SLC25A13: variants seen among roughly 807,000 people sequenced by gnomAD.
SLC25A13 encodes solute carrier family 25 member 13.
In SLC25A13, 70 loss-of-function variants were observed where a neutral mutation model predicts 85.5. That is an observed-to-expected ratio of 0.82 (90% CI 0.68 to 1.00). The LOEUF is 1.00. SLC25A13 is among the 50% of genes least tolerant of loss of function. The pLI is 0.00. For missense variants in SLC25A13, 765 were observed against 819.8 expected (o/e 0.93, Z 0.82); for synonymous variants, 259 against 288.7 (o/e 0.90, Z 1.04).
chr7:96,313,485 A>G (rs886121386), intron 1 of SLC25A13, among the ~76,000 whole-genome samples: 3 of 152,254 alleles, frequency 2.0e-5, no homozygotes. Context: ...GCTGGAGGCT[A>G]TGATCCTAAG....
chr7:96,294,885 C>T lies in SLC25A13; in HGVS notation c.69+2013G>A, dbSNP rs113127437. Among the ~76,000 whole-genome samples, 553 of 152,070 alleles carry T rather than the reference C, an allele frequency of 3.6e-3. 1 individual carries two copies. The highest frequency in any genetic ancestry group is 5.9e-3 in the Non-Finnish European group (403 of 67,950). ...CAAATGTGTCCTTTTTTTTCCTCCC[C>T]ACAAAACTATCCCTGCTTTTAATTC... On this transcript the variant is annotated intron_variant, in intron 2 of 17. Coordinates refer to ENST00000265631, the MANE Select transcript of SLC25A13 (RefSeq NM_014251.3).
At position 96,122,966 on chromosome 7, in the gene SLC25A13, T is replaced by A. The variant is rs184289630; in HGVS notation, c.1592-969A>T. 4.2e-4 allele frequency among the ~76,000 whole-genome samples: 64 copies of A among 152,344 alleles called. No homozygotes were observed. The East Asian group carries it at 0.012, about 29-fold the overall frequency. ...CTTAATAATTCTGTAAGAATTTCTG[T>A]CCAAACCAACATGGTCTGGCTCACA... On this transcript the variant is annotated intron_variant, in intron 15 of 17. Transcript: ENST00000265631.
At chr7:96,277,472 GACCATT>G (rs1798504141) in intron 2 of SLC25A13, 134 bp from the exon 3 acceptor site, 1 of 813,232 alleles carries the variant, frequency 1.2e-6, no homozygotes, top group Non-Finnish European at 1.9e-6. Context: ...GCTTCATAAT[GACCATT>G]ATCTCCCAAC....
Position 96,322,053 on chromosome 7 carries a change from G to T in SLC25A13, c.-97C>A. The T allele has an allele frequency of 1.3e-6, 2 of 1,481,508 alleles. No individual in the cohort carries two copies. Among genetic ancestry groups the T allele is most frequent in the Non-Finnish European group, 9.1e-7 (1 of 1,102,794 alleles). 91.8% of individuals were successfully genotyped at this position (1,481,508 alleles called of 1,614,324 possible). A position where few individuals can be genotyped will look rare whatever the true frequency, so the allele number is the denominator to read the frequency against. On this transcript the variant is annotated 5_prime_UTR_variant, in exon 1 of 18. Coordinates refer to ENST00000265631, the MANE Select transcript of SLC25A13 (RefSeq NM_014251.3). ...ACTTCTAGTCCCGGCGGCGGCGGCG[G>T]TGGGGGCGGCGATACGGCCAGGCAG...
At chr7:96,314,163 GGAA>G (rs771193222) in intron 1 of SLC25A13, among the ~76,000 whole-genome samples, 16 of 151,928 alleles carry the variant, frequency 1.1e-4, no homozygotes, top group South Asian at 4.1e-4. Flanking sequence ...CGAAGAAGAA[GGAA>G]GAAGAAGAAG....
chr7:96,297,083 C>G, intron 1 of SLC25A13, 132 bp from the exon 2 acceptor site: 1 of 806,770 alleles, frequency 1.2e-6, no homozygotes, highest in Non-Finnish European at 2.1e-6. Context: ...CATGTTGCCC[C>G]AGTGCATAAA....
chr7:96,131,614 A>G lies in SLC25A13; in HGVS notation c.1591+129T>C, dbSNP rs778191746. 6.4e-5 allele frequency: 77 copies of G among 1,208,300 alleles called. No individual in the cohort carries two copies. In the African/African-American group the frequency reaches 1.0e-3, roughly 16 times the overall value. The allele number at this position is 1,208,300 out of a possible 1,614,324, so 74.8% of individuals were successfully genotyped here. ...TCCCTTTTTTTTCAGTAGCTCTTCA[A>G]TCTCTAGCAAACTCACACATACCCT... On this transcript the variant is annotated intron_variant, in intron 15 of 17. Coordinates refer to ENST00000265631, the MANE Select transcript of SLC25A13 (RefSeq NM_014251.3).
intron 11 of SLC25A13, among the ~76,000 whole-genome samples, chr7:96,182,721 C>A (rs992724800): frequency 4.6e-5 from 7 of 152,072 alleles, no homozygotes; most frequent in African/African-American, 1.7e-4. Flanking sequence ...ATCAGACCTG[C>A]CAGGTATGGT....
At chr7:96,275,083 T>C (rs1044451284) in intron 3 of SLC25A13, among the ~76,000 whole-genome samples, 2 of 152,224 alleles carry the variant, frequency 1.3e-5, no homozygotes, top group African/African-American at 4.8e-5. Flanking sequence ...GCATTGAATC[T>C]ATATATTACC....
At chr7:96,177,755 A>T (rs1794279833) in intron 11 of SLC25A13, among the ~76,000 whole-genome samples, 1 of 152,122 alleles carries the variant, frequency 6.6e-6, no homozygotes, top group South Asian at 2.1e-4. Context: ...CTTCATGGAA[A>T]CTGGAATCCA....
At chr7:96,265,820 T>C (rs745903181) in intron 3 of SLC25A13, among the ~76,000 whole-genome samples, 1 of 152,050 alleles carries the variant, frequency 6.6e-6, no homozygotes, top group Non-Finnish European at 1.5e-5. Flanking sequence ...GTTCTAGGAG[T>C]TGGGAAGTCC....
chr7:96,290,838 T>G (rs1232459752), intron 2 of SLC25A13, among the ~76,000 whole-genome samples: 1 of 152,164 alleles, frequency 6.6e-6, no homozygotes, highest in Non-Finnish European at 1.5e-5. Flanking sequence ...TGGGAGACTT[T>G]AACACCCCAC....
chr7:96,233,696 A>T lies in SLC25A13; in HGVS notation c.328+1106T>A, dbSNP rs185997023. On this transcript the variant is annotated intron_variant, in intron 4 of 17. Transcript: ENST00000265631. Reference sequence around the variant, plus strand: ...CTGGAGAGGATCACTAATTTGGCTCAGAGACAACAGCAGCAGAGCTGGAAG... The same window carrying T: ...CTGGAGAGGATCACTAATTTGGCTCTGAGACAACAGCAGCAGAGCTGGAAG... Among the ~76,000 whole-genome samples the T allele has an allele frequency of 6.6e-3, 1,003 of 152,134 alleles. 34 individuals are homozygous for T. Among genetic ancestry groups the T allele is most frequent in the Admixed American group, 0.058 (880 of 15,286 alleles).
chr7:96,277,596 A>C (rs1247988620), intron 2 of SLC25A13, among the ~76,000 whole-genome samples: 1 of 152,166 alleles, frequency 6.6e-6, no homozygotes, highest in Non-Finnish European at 1.5e-5. Flanking sequence ...GATTGTCATA[A>C]CATGTGAGGA....
chr7:96,222,060 T>A (rs1332092825), intron 4 of SLC25A13, among the ~76,000 whole-genome samples: 1 of 152,256 alleles, frequency 6.6e-6, no homozygotes, highest in African/African-American at 2.4e-5. Context: ...TAAATAGATT[T>A]ATTTTTTCCG....
chr7:96,212,752 A>G (rs1246095817), intron 4 of SLC25A13, among the ~76,000 whole-genome samples: 1 of 152,200 alleles, frequency 6.6e-6, no homozygotes. Context: ...ACATTATTTT[A>G]AAGCCCCCGG....
intron 14 of SLC25A13, among the ~76,000 whole-genome samples, chr7:96,142,933 T>C (rs764661589): frequency 6.6e-6 from 1 of 152,194 alleles, no homozygotes; most frequent in Non-Finnish European, 1.5e-5. Context: ...TTTATGTATA[T>C]GGATAAAAAT....
intron 5 of SLC25A13, among the ~76,000 whole-genome samples, chr7:96,199,641 T>G (rs552288953): frequency 2.6e-5 from 4 of 152,148 alleles, no homozygotes; most frequent in Non-Finnish European, 4.4e-5. Flanking sequence ...GGAGGCCCAA[T>G]TTCTCTTTAA....
At chr7:96,297,029 T>G in intron 1 of SLC25A13, 78 bp from the exon 2 acceptor site, 1 of 1,317,642 alleles carries the variant, frequency 7.6e-7, no homozygotes, top group Non-Finnish European at 1.1e-6. Context: ...GGAAAATAAA[T>G]CTCAGATTAA....
Sources: allele counts gnomAD v4.1 joint callset (sites outside exome capture counted in the v4.1 genomes callset), GRCh38; gene constraint gnomAD v4.1.1; transcripts MANE v1.5; gene names NCBI Gene and HGNC (gene_info 2026-07-23, HGNC 2026-07-21).